Variants in RASSF4 observed in about 807,000 individuals in gnomAD.
The protein encoded by RASSF4 is Ras association domain family member 4, also known as ras association domain-containing protein 4.
In RASSF4, 38 loss-of-function variants were observed where a neutral mutation model predicts 41.1. The observed-to-expected ratio is 0.92, with a 90% confidence interval of 0.71 to 1.21. The LOEUF (loss-of-function observed/expected upper bound fraction) is 1.21. Ranked by LOEUF, RASSF4 falls within the 50% of genes most tolerant of loss-of-function variation. RASSF4 has a pLI of 0.00. For synonymous variants in RASSF4, 179 were observed against 163.4 expected (o/e 1.10, Z -0.73); for missense variants, 414 against 419.4 (o/e 0.99, Z 0.11).
intron 5 of RASSF4, 125 bp downstream of exon 5, chr10:44,984,238 C>CCAGCAGG: frequency 1.1e-6 from 1 of 920,328 alleles, no homozygotes; most frequent in Non-Finnish European, 1.6e-6. Context: ...GCTTCACCTG[C>CCAGCAGG]TGGACCCCTA....
intron 6 of RASSF4, 129 bp from the exon 7 acceptor site, chr10:44,989,145 G>C: frequency 1.6e-6 from 1 of 624,594 alleles, no homozygotes; most frequent in Non-Finnish European, 2.9e-6. Context: ...GTGTGCATCA[G>C]CGTGAATGGA....
intron 6 of RASSF4, among the ~76,000 whole-genome samples, chr10:44,987,626 CTTTTTT>C (rs34115822): frequency 7.8e-6 from 1 of 128,256 alleles, no homozygotes. Flanking sequence ...AAAATGTGCA[CTTTTTT>C]TTTTTTTTTT....
At chr10:44,983,178 G>C in intron 4 of RASSF4, 1 of 350,266 alleles carries the variant, frequency 2.9e-6, no homozygotes, top group South Asian at 2.2e-5. Flanking sequence ...TCTCCTCCTC[G>C]GCCCACTCCC....
rs763491711 is a variant in RASSF4, at chr10:44,989,706, G to A, written c.670G>A (p.Val224Ile). Residue 224 changes from valine (V) to isoleucine (I), a missense_variant, in exon 8 of 11, where the codon GTT becomes ATT. Val to Ile is a conservative substitution (Grantham distance 29). Transcript: ENST00000340258. Reference sequence around the variant, plus strand: ...CCCCAGTGAGTTCGCACTCTACATCGTTCACGAGTCTGGGGGTAAGTACCT... The same window carrying A: ...CCCCAGTGAGTTCGCACTCTACATCATTCACGAGTCTGGGGGTAAGTACCT... ...DGPSEFALYI[V>I]HESGERTKLK... 41 of 1,614,122 alleles carry A rather than the reference G, an allele frequency of 2.5e-5. No individual in the cohort carries two copies. The East Asian group carries it at 3.3e-4, about 13-fold the overall frequency.
intron 3 of RASSF4, 81 bp from the exon 4 acceptor site, chr10:44,982,440 T>C (rs770306549): frequency 8.3e-6 from 13 of 1,560,158 alleles, no homozygotes; most frequent in Non-Finnish European, 1.1e-5. Flanking sequence ...GGCCTGAGTG[T>C]TCAGAGCATC....
At chr10:44,983,902 C>A (rs1206124607) in intron 4 of RASSF4, 120 bp from the exon 5 acceptor site, 11 of 1,524,864 alleles carry the variant, frequency 7.2e-6, no homozygotes, top group Non-Finnish European at 8.8e-6. Flanking sequence ...CCAGGCCTCA[C>A]CTCAGCCTGC....
Position 44,984,092 on chromosome 10 carries a change from G to T in RASSF4, c.352G>T (p.Glu118Ter). ...GPSIQPVHKA[E>*]SSTDSSGPLE... Reference sequence around the variant, plus strand: ...AAGCATTCAGCCAGTGCACAAGGCTGAGAGTTCCACAGACAGCTCGGGTAA... The same window carrying T: ...AAGCATTCAGCCAGTGCACAAGGCTTAGAGTTCCACAGACAGCTCGGGTAA... Residue 118 changes from glutamate to a stop codon, truncating the protein, a stop_gained, in exon 5 of 11, where the codon GAG (glutamate) becomes TAG (stop). Transcript: ENST00000340258. LOFTEE classifies it high-confidence loss of function. 6.2e-7 allele frequency: 1 copy of T among 1,604,854 alleles called. No homozygotes were observed.
chr10:44,977,463 G>A (rs773721319), intron 3 of RASSF4: 39 of 1,612,002 alleles, frequency 2.4e-5, no homozygotes, highest in South Asian at 2.4e-4. Flanking sequence ...GGGCGGTGGC[G>A]GGAGGCCATG....
Position 44,984,963 on chromosome 10 carries a change from A to G in RASSF4, c.524A>G (p.Asn175Ser), listed in dbSNP as rs1841865811. Residue 175 changes from asparagine (N) to serine (S), a missense_variant, in exon 6 of 11, where the codon AAT becomes AGT. Asn to Ser is a conservative substitution (Grantham distance 46). Coordinates refer to ENST00000340258, the MANE Select transcript of RASSF4 (RefSeq NM_032023.4). ...HRFSINGHFY[N>S]HKTSVFTPAY... is the part of the protein sequence containing the mutation. ...TTCTCTATCAACGGCCACTTCTACA[A>G]TCATAAGGTGATGCCCCAGCCTGGC... 6.2e-7 allele frequency: 1 copy of G among 1,611,380 alleles called. No homozygotes were observed. The highest frequency in any genetic ancestry group is 8.5e-7 in the Non-Finnish European group (1 of 1,179,798).
At chr10:44,961,653 C>A (rs1840715681) in intron 1 of RASSF4, among the ~76,000 whole-genome samples, 1 of 152,202 alleles carries the variant, frequency 6.6e-6, no homozygotes, top group Non-Finnish European at 1.5e-5. Context: ...ATGGGTGAGC[C>A]CAACACAAGG....
chr10:44,990,920 G>A (rs370821510), intron 8 of RASSF4, 28 bp from the exon 9 acceptor site: 2 of 1,606,474 alleles, frequency 1.2e-6, no homozygotes, highest in Admixed American at 1.7e-5. Flanking sequence ...AATCTCCCGT[G>A]ATTTTTGTAA....
At chr10:44,975,041 C>T (rs571389961) in intron 3 of RASSF4, among the ~76,000 whole-genome samples, 57 of 152,184 alleles carry the variant, frequency 3.7e-4, no homozygotes, top group Non-Finnish European at 7.9e-4. Flanking sequence ...AAGTGAGCCC[C>T]AGGCGGCAGG....
Position 44,991,070 on chromosome 10 carries a change from G to A in RASSF4, c.807+1G>A, listed in dbSNP as rs144460927. ...CTTGGGCGTGGAAGTCCCCCATGAA[G>A]TGAGTGGGGGCCAAGGCTGGGGAGG... is the stretch of plus-strand genomic sequence containing the variant. On this transcript the variant is annotated splice_donor_variant, in intron 9 of 10. Transcript: ENST00000340258. LOFTEE classifies it high-confidence loss of function. The A allele has an allele frequency of 9.3e-6, 15 of 1,611,616 alleles. No homozygotes were observed. The highest frequency in any genetic ancestry group is 1.3e-5 in the Non-Finnish European group (15 of 1,178,420).
chr10:44,968,594 A>C (rs998740314), intron 1 of RASSF4, among the ~76,000 whole-genome samples: 5 of 152,202 alleles, frequency 3.3e-5, no homozygotes, highest in Admixed American at 2.6e-4. Flanking sequence ...CACAGAGGGC[A>C]GGTTTGTCAC....
At chr10:44,975,583 C>T (rs997607989) in intron 3 of RASSF4, among the ~76,000 whole-genome samples, 42 of 133,748 alleles carry the variant, frequency 3.1e-4, no homozygotes, top group African/African-American at 1.2e-3. Flanking sequence ...TCCCTTTCCA[C>T]TCTCCCCACC....
chr10:44,987,427 C>G (rs140452975), intron 6 of RASSF4, among the ~76,000 whole-genome samples: 1 of 152,074 alleles, frequency 6.6e-6, no homozygotes, highest in Non-Finnish European at 1.5e-5. Flanking sequence ...GACAAGAAAG[C>G]CTAATCCTAA....
At chr10:44,970,054 G>A (rs938558909) in intron 1 of RASSF4, 111 bp from the exon 2 acceptor site, 17 of 692,570 alleles carry the variant, frequency 2.5e-5, no homozygotes, top group South Asian at 2.0e-4. Flanking sequence ...GTGCCAAGGC[G>A]GTGTGATGCC....
chr10:44,987,905 C>T (rs536656778), intron 6 of RASSF4, among the ~76,000 whole-genome samples: 6 of 152,294 alleles, frequency 3.9e-5, no homozygotes, highest in African/African-American at 1.2e-4. Flanking sequence ...TTGAGATATT[C>T]GCTTCATTGT....
chr10:44,989,815 C>G (rs1842046328), intron 8 of RASSF4, 94 bp downstream of exon 8: 4 of 1,117,678 alleles, frequency 3.6e-6, no homozygotes, highest in Middle Eastern at 2.0e-4. Context: ...GTACTCCCTT[C>G]CAGATGGGCT....
Sources: allele counts gnomAD v4.1 joint callset (sites outside exome capture counted in the v4.1 genomes callset), GRCh38; gene constraint gnomAD v4.1.1; transcripts MANE v1.5; gene names NCBI Gene and HGNC (gene_info 2026-07-23, HGNC 2026-07-21).